Variants in UBL3 observed in about 807,000 individuals in gnomAD.
UBL3 encodes the protein ubiquitin like 3, also known as ubiquitin-like protein 3.
In UBL3, 6 loss-of-function variants were observed where a neutral mutation model predicts 18.4. The observed-to-expected ratio is 0.33, with a 90% CI of 0.18 to 0.64. UBL3 has a LOEUF of 0.64. UBL3 is among the 30% of genes least tolerant of loss of function. The probability of loss-of-function intolerance (pLI) is 0.76; values close to 1 mark genes in which losing one functional copy is unlikely to be tolerated. For missense variants in UBL3, 109 were observed against 142.9 expected (o/e 0.76, Z 1.21); for synonymous variants, 49 against 46.6 (o/e 1.05, Z -0.21).
At chr13:29,835,132 ATATATATAT>A (rs1878911845) in intron 1 of UBL3, among the ~76,000 whole-genome samples, 1 of 5,956 alleles carries the variant, frequency 1.7e-4, no homozygotes, top group African/African-American at 7.9e-4. Flanking sequence ...ATAAATATAT[ATATATATAT>A]ATATATATAT....
rs1028839321 is a variant in UBL3, at chr13:29,765,673, G to C, written c.*1582C>G. 10 of 152,422 alleles carry C rather than the reference G, an allele frequency of 6.6e-5. No individual in the cohort carries two copies. Among genetic ancestry groups the C allele is most frequent in the African/African-American group, 1.9e-4 (8 of 41,404 alleles). 9.4% of individuals were successfully genotyped at this position (152,422 alleles called of 1,614,324 possible). A position where few individuals can be genotyped will look rare whatever the true frequency, so the allele number is the denominator to read the frequency against. On this transcript the variant is annotated 3_prime_UTR_variant, in exon 5 of 5. Coordinates refer to ENST00000380680, the MANE Select transcript of UBL3 (RefSeq NM_007106.4). ...AATCTGTAAGTACAGGTTGCAGAAA[G>C]AAAACGTTTAGTGCTATTTACATTC...
chr13:29,772,065 G>A, intron 3 of UBL3, 47 bp downstream of exon 3: 1 of 1,471,282 alleles, frequency 6.8e-7, no homozygotes, highest in East Asian at 2.3e-5. Flanking sequence ...AGCGAATCAT[G>A]CTACCATGAG....
At chr13:29,789,886 CAATT>C (rs1247098454) in intron 1 of UBL3, among the ~76,000 whole-genome samples, 1 of 152,162 alleles carries the variant, frequency 6.6e-6, no homozygotes, top group African/African-American at 2.4e-5. Flanking sequence ...GCATAACTAT[CAATT>C]AAATATTTGT....
At chr13:29,808,339 A>G (rs200364404) in intron 1 of UBL3, among the ~76,000 whole-genome samples, 1 of 78,676 alleles carries the variant, frequency 1.3e-5, no homozygotes, top group African/African-American at 4.9e-5. Flanking sequence ...ACTACTTTAA[A>G]TTAATTACAA....
At chr13:29,830,719 A>G (rs1203866203) in intron 1 of UBL3, among the ~76,000 whole-genome samples, 1 of 152,258 alleles carries the variant, frequency 6.6e-6, no homozygotes, top group Non-Finnish European at 1.5e-5. Flanking sequence ...GCAGTAGCAA[A>G]GCAAAGGTAT....
chr13:29,797,116 T>G (rs1295070736), intron 1 of UBL3, among the ~76,000 whole-genome samples: 2 of 152,158 alleles, frequency 1.3e-5, no homozygotes, highest in Non-Finnish European at 2.9e-5. Context: ...TCAAACAGGC[T>G]CTAAAGAAAA....
intron 2 of UBL3, among the ~76,000 whole-genome samples, chr13:29,774,064 T>C (rs1876917017): frequency 6.6e-6 from 1 of 152,162 alleles, no homozygotes; most frequent in African/African-American, 2.4e-5. Context: ...TCTTTATTCC[T>C]TGCAGTGTCT....
At chr13:29,791,898 G>C (rs1877489075) in intron 1 of UBL3, among the ~76,000 whole-genome samples, 2 of 152,114 alleles carry the variant, frequency 1.3e-5, no homozygotes, top group Admixed American at 6.6e-5. Context: ...ATTAAATCAT[G>C]GTCCTTGAAG....
intron 1 of UBL3, among the ~76,000 whole-genome samples, chr13:29,820,255 C>A (rs1473634893): frequency 6.8e-6 from 1 of 147,392 alleles, no homozygotes; most frequent in Non-Finnish European, 1.5e-5. Context: ...CGGCTCACTG[C>A]AACCTCTGCC....
At chr13:29,800,162 G>C (rs982530817) in intron 1 of UBL3, among the ~76,000 whole-genome samples, 3 of 152,210 alleles carry the variant, frequency 2.0e-5, no homozygotes, top group Non-Finnish European at 2.9e-5. Context: ...AACACCCTGC[G>C]GTCAATTCAA....
At chr13:29,840,564 A>T (rs111850257) in intron 1 of UBL3, among the ~76,000 whole-genome samples, 5 of 152,056 alleles carry the variant, frequency 3.3e-5, no homozygotes, top group East Asian at 1.9e-4. Flanking sequence ...ACAAAAAAAA[A>T]CTCAATGAAG....
intron 1 of UBL3, among the ~76,000 whole-genome samples, chr13:29,811,290 C>T (rs1388361222): frequency 2.6e-5 from 4 of 152,026 alleles, no homozygotes; most frequent in Non-Finnish European, 4.4e-5. Context: ...TTTTAATCTA[C>T]TAAGTGTGAT....
chr13:29,767,395 G>A (rs765970817), intron 4 of UBL3, 88 bp from the exon 5 acceptor site: 4 of 1,473,500 alleles, frequency 2.7e-6, no homozygotes, highest in Non-Finnish European at 3.7e-6. Context: ...GGAAGTAGTA[G>A]TTTTGAGTTT....
In UBL3 at chr13:29,835,124, AAATATATATATATAT is replaced by A. The variant is rs1878906821; in HGVS notation, c.27+14373_27+14387del. Among the ~76,000 whole-genome samples, 18 of 36,726 alleles carry A rather than the reference AAATATATATATATAT, an allele frequency of 4.9e-4. 1 individual carries two copies. The highest frequency in any genetic ancestry group is 6.4e-4 in the Admixed American group (2 of 3,130). The allele number at this position is 36,726 out of a possible 152,430, so 24.1% of individuals were successfully genotyped here. The stretch of plus-strand genomic sequence containing the variant: ...TATATATAAATATATATATATATAT[AAATATATATATATAT>A]ATATATATATATATATATATATATA... On this transcript the variant is annotated intron_variant, in intron 1 of 4. Transcript: ENST00000380680.
chr13:29,767,327 GC>G lies in UBL3; in HGVS notation c.302-21del, dbSNP rs2139303874. ...TCTGACCTAGGGAAAACGAAGAAGAGCCTCGTTTATAAAAATTCTAGAACTG... is the reference window on the plus strand; with the variant it reads ...TCTGACCTAGGGAAAACGAAGAAGAGCTCGTTTATAAAAATTCTAGAACTG... On this transcript the variant is annotated intron_variant, in intron 4 of 4. Transcript: ENST00000380680. 3.7e-6 allele frequency: 6 copies of G among 1,612,738 alleles called. No homozygotes were observed. The highest frequency in any genetic ancestry group is 5.1e-6 in the Non-Finnish European group (6 of 1,179,176).
rs372393605 is a variant in UBL3, at chr13:29,767,318, C to T, written c.302-11G>A. 1.5e-4 allele frequency: 249 copies of T among 1,612,676 alleles called. No individual in the cohort carries two copies. The highest frequency in any genetic ancestry group is 7.1e-4 in the South Asian group (65 of 91,024). On this transcript the variant is annotated splice_polypyrimidine_tract_variant and intron_variant, in intron 4 of 4. Transcript: ENST00000380680. ...CACGATTCCTCTGACCTAGGGAAAA[C>T]GAAGAAGAGCCTCGTTTATAAAAAT...
At chr13:29,798,114 C>T (rs1014846519) in intron 1 of UBL3, among the ~76,000 whole-genome samples, 2 of 152,004 alleles carry the variant, frequency 1.3e-5, no homozygotes, top group Admixed American at 6.6e-5. Context: ...CAACCTCTGC[C>T]TCTTGAGTTC....
intron 1 of UBL3, among the ~76,000 whole-genome samples, chr13:29,812,390 T>C (rs1249598749): frequency 6.6e-6 from 1 of 152,092 alleles, no homozygotes; most frequent in Non-Finnish European, 1.5e-5. Context: ...TCTGGATTAA[T>C]ACACTCTTAG....
chr13:29,812,445 C>A (rs373495029), intron 1 of UBL3, among the ~76,000 whole-genome samples: 18 of 152,002 alleles, frequency 1.2e-4, no homozygotes, highest in African/African-American at 4.3e-4. Flanking sequence ...TTCCAAAATA[C>A]ATACTCCAAG....
Sources: allele counts gnomAD v4.1 joint callset (sites outside exome capture counted in the v4.1 genomes callset), GRCh38; gene constraint gnomAD v4.1.1; transcripts MANE v1.5; gene names NCBI Gene and HGNC (gene_info 2026-07-23, HGNC 2026-07-21).